GPR85: variants seen among roughly 807,000 people sequenced by gnomAD.
The protein encoded by GPR85 is G protein-coupled receptor 85, also known as probable G protein-coupled receptor 85.
In GPR85, 7 loss-of-function variants were observed where a neutral mutation model predicts 21.3. The observed-to-expected ratio is 0.33, with a 90% CI of 0.19 to 0.62. The LOEUF is 0.62. Among genes scored for constraint, GPR85 ranks in the 20% least tolerant of loss-of-function variants. GPR85 has a pLI of 0.80. For synonymous variants in GPR85, 167 were observed against 166.1 expected (o/e 1.01, Z -0.04); for missense variants, 299 against 443.8 (o/e 0.67, Z 2.93).
rs758205570 is a variant in GPR85 at position 113,082,551 on chromosome 7, C to T, written c.*1058G>A. 2.0e-5 allele frequency: 3 copies of T among 152,490 alleles called. No individual in the cohort carries two copies. The highest frequency in any genetic ancestry group is 4.4e-5 in the Non-Finnish European group (3 of 68,006). The allele number at this position is 152,490 out of a possible 1,614,324, so 9.4% of individuals were successfully genotyped here. On this transcript the variant is annotated 3_prime_UTR_variant, in exon 3 of 3. Coordinates refer to ENST00000424100, the MANE Select transcript of GPR85 (RefSeq NM_001146267.2). Reference sequence around the variant, plus strand: ...CTTGACAGCTGACTTAAAATATAAACATACATCAACTGCCTGCTTCTTAGA... The same window carrying T: ...CTTGACAGCTGACTTAAAATATAAATATACATCAACTGCCTGCTTCTTAGA...
chr7:113,085,573 C>T (rs1045794867), intron 2 of GPR85, among the ~76,000 whole-genome samples: 6 of 152,152 alleles, frequency 3.9e-5, no homozygotes, highest in African/African-American at 1.4e-4. Flanking sequence ...AGGAATAATG[C>T]ACTTCCATTT....
In GPR85 at chr7:113,086,390, C is replaced by CTTTTTTTTTTTT. The variant is rs1794280731; in HGVS notation, c.-358_-357insAAAAAAAAAAAA. ...AAATTGCTGATTTTTTTCTTTTTTT[C>CTTTTTTTTTTTT]TTTTTCTTTTTTTTTTTTTTTTTTT... On this transcript the variant is annotated 5_prime_UTR_variant, in exon 1 of 3. Coordinates refer to ENST00000424100, the MANE Select transcript of GPR85 (RefSeq NM_001146267.2). The CTTTTTTTTTTTT allele has an allele frequency of 1.6e-4, 4 of 25,296 alleles. No individual in the cohort carries two copies. The highest frequency in any genetic ancestry group is 2.4e-4 in the Non-Finnish European group (3 of 12,724). 1.6% of individuals were successfully genotyped at this position (25,296 alleles called of 1,614,324 possible).
Position 113,084,212 on chromosome 7 carries a change from A to G in GPR85, c.510T>C (p.Asp170=), listed in dbSNP as rs1327327013. The change falls in exon 3 of 3, where the codon GAT becomes GAC. Residue 170 remains aspartate, a synonymous_variant. Coordinates refer to ENST00000424100, the MANE Select transcript of GPR85 (RefSeq NM_001146267.2). ...AGGAGCGGTGTTGGAAGGTGCATTG[A>G]TCTTCCTCCCTAATGAATGAGTAAG... The part of the protein sequence containing the change: ...VGTYSFIREE[D]QCTFQHRSFR... The G allele has an allele frequency of 1.2e-5, 20 of 1,614,022 alleles. No individual in the cohort carries two copies. Among genetic ancestry groups the G allele is most frequent in the Non-Finnish European group, 1.7e-5 (20 of 1,180,038 alleles).
Position 113,083,261 on chromosome 7 carries a change from A to G in GPR85, c.*348T>C, listed in dbSNP as rs1288585633. 1.1e-5 allele frequency: 2 copies of G among 187,460 alleles called. No homozygotes were observed. The highest frequency in any genetic ancestry group is 5.8e-5 in the Admixed American group (1 of 17,296). 11.6% of individuals were successfully genotyped at this position (187,460 alleles called of 1,614,324 possible). A position where few individuals can be genotyped will look rare whatever the true frequency, so the allele number is the denominator to read the frequency against. The stretch of plus-strand genomic sequence containing the variant: ...GTCAACTTAATTTATTAAGATGTCC[A>G]ATGCTAATTGTTTTTTGATGTTTTT... On this transcript the variant is annotated 3_prime_UTR_variant, in exon 3 of 3. Transcript: ENST00000424100. The surrounding 1 kb of genome is among the most constrained non-coding windows in gnomAD (Gnocchi z 4.4).
rs1562996813 is a variant in GPR85, at chr7:113,086,410, T to TTTTTC, written c.-378_-377insGAAAA. The TTTTTC allele has an allele frequency of 1.0e-5, 1 of 95,336 alleles. No homozygotes were observed. The highest frequency in any genetic ancestry group is 2.1e-5 in the Non-Finnish European group (1 of 48,674). The allele number at this position is 95,336 out of a possible 1,614,324, so 5.9% of individuals were successfully genotyped here. On this transcript the variant is annotated 5_prime_UTR_variant, in exon 1 of 3. It removes the in-frame stop codon of an upstream open reading frame in the 5' UTR. Coordinates refer to ENST00000424100, the MANE Select transcript of GPR85 (RefSeq NM_001146267.2). ...TTTTTCTTTTTCTTTTTTTTTTTTT[T>TTTTTC]TTTTTTGTTTTTTGTTTTTTTTTTT... is the stretch of plus-strand genomic sequence containing the variant.
upstream of GPR85, among the ~76,000 whole-genome samples, chr7:113,086,955 G>C (rs1590153): frequency 6.6e-6 from 1 of 151,356 alleles, no homozygotes; most frequent in South Asian, 2.1e-4. Flanking sequence ...TTATTTTTAA[G>C]TGATGTCTCC....
Position 113,083,899 on chromosome 7 carries a change from C to G in GPR85, c.823G>C (p.Asp275His). Residue 275 changes from aspartate (D) to histidine (H), a missense_variant, in exon 3 of 3, where the codon GAC becomes CAC. Physicochemically the swap from Asp to His is moderately conservative, Grantham distance 81. Coordinates refer to ENST00000424100, the MANE Select transcript of GPR85 (RefSeq NM_001146267.2). This position sits in a 1 kb window ranked among gnomAD's most constrained non-coding sequence, Gnocchi z 4.4. Reference sequence around the variant, plus strand: ...ATTCTTTTCTCCATTTTGAACTCGTCTAAGACCAATAGCCTTCTTCTGCCT... The same window carrying G: ...ATTCTTTTCTCCATTTTGAACTCGTGTAAGACCAATAGCCTTCTTCTGCCT... ...TTGRRRLLVLDEFKMEKRISR... is the reference protein window; with the variant it reads ...TTGRRRLLVLHEFKMEKRISR... The G allele has an allele frequency of 1.2e-6, 2 of 1,614,176 alleles. No individual in the cohort carries two copies. The highest frequency in any genetic ancestry group is 1.7e-6 in the Non-Finnish European group (2 of 1,180,022).
Position 113,083,461 on chromosome 7 carries a change from G to T in GPR85, c.*148C>A. On this transcript the variant is annotated 3_prime_UTR_variant, in exon 3 of 3. Coordinates refer to ENST00000424100, the MANE Select transcript of GPR85 (RefSeq NM_001146267.2). The surrounding 1 kb of genome is among the most constrained non-coding windows in gnomAD (Gnocchi z 4.4). ...TGAGATTTAAAATAGGATTATAGGTGAACTATTGCAAAGACTGCAGAATGT... is the reference window on the plus strand; with the variant it reads ...TGAGATTTAAAATAGGATTATAGGTTAACTATTGCAAAGACTGCAGAATGT... 2.8e-6 allele frequency: 2 copies of T among 722,172 alleles called. No homozygotes were observed. The highest frequency in any genetic ancestry group is 4.7e-6 in the Non-Finnish European group (2 of 422,498). 44.7% of individuals were successfully genotyped at this position (722,172 alleles called of 1,614,324 possible).
chr7:113,084,421 C>T lies in GPR85; in HGVS notation c.301G>A (p.Gly101Arg). The change falls in exon 3 of 3, where the codon GGG (glycine) becomes AGG (arginine). Residue 101 changes from glycine to arginine, a missense_variant. Transcript: ENST00000424100. Reference sequence around the variant, plus strand: ...GCAGTGTGGAAACAGGACAAAACCCCCAGAAAGGCAATCACTTTGCAAGTC... The same window carrying T: ...GCAGTGTGGAAACAGGACAAAACCCTCAGAAAGGCAATCACTTTGCAAGTC... ...TLTCKVIAFL[G>R]VLSCFHTAFM... The T allele has an allele frequency of 1.2e-6, 2 of 1,613,878 alleles. No homozygotes were observed. The highest frequency in any genetic ancestry group is 1.7e-6 in the Non-Finnish European group (2 of 1,179,866).
Sources: gnomAD v4.1 joint callset for allele counts (sites outside exome capture counted in the v4.1 genomes callset) on GRCh38, gnomAD v4.1.1 for gene constraint, Gnocchi (gnomAD v3.1) non-coding constraint, MANE v1.5 for transcripts, NCBI Gene and HGNC (gene_info 2026-07-23, HGNC 2026-07-21) for gene names.